ZNF407: variants seen among roughly 807,000 people sequenced by gnomAD.
The protein encoded by ZNF407 is zinc finger protein 407.
Under a neutral mutation model 131.2 loss-of-function variants are expected in ZNF407, and 17 were observed. The ratio of observed to expected loss-of-function variants is 0.13; its 90% CI spans 0.09 to 0.19. The LOEUF (loss-of-function observed/expected upper bound fraction) is 0.19. Among genes scored for constraint, ZNF407 ranks in the 10% least tolerant of loss-of-function variants. The pLI is 1.00. For missense variants in ZNF407, 2,681 were observed against 2,830.6 expected (o/e 0.95, Z 1.20); for synonymous variants, 1,156 against 1,062.0 (o/e 1.09, Z -1.72).
intron 7 of ZNF407, among the ~76,000 whole-genome samples, chr18:74,911,586 G>C (rs545253190): frequency 1.3e-5 from 2 of 152,018 alleles, no homozygotes. Flanking sequence ...ACATAAGGGG[G>C]TTTGAGTGCA....
rs944161598 is a variant in ZNF407 at position 74,995,433 on chromosome 18, T to C, written c.5429-67717T>C. The stretch of plus-strand genomic sequence containing the variant: ...GGTTGCAGTGTGGGTGGACCAGTTG[T>C]GAAGTGGGCAGGTTCTAAAAAAAGC... On this transcript the variant is annotated intron_variant, in intron 8 of 8. Transcript: ENST00000299687. Among the ~76,000 whole-genome samples, 77 of 152,108 alleles carry C rather than the reference T, an allele frequency of 5.1e-4. 3 individuals are homozygous for C. Among genetic ancestry groups the C allele is most frequent in the Non-Finnish European group, 5.9e-5 (4 of 68,018 alleles).
chr18:74,658,806 A>C (rs1446734447), intron 3 of ZNF407, among the ~76,000 whole-genome samples: 3 of 152,176 alleles, frequency 2.0e-5, no homozygotes, highest in Non-Finnish European at 4.4e-5. Context: ...CATAAAACCA[A>C]GTAGACATTT....
intron 8 of ZNF407, among the ~76,000 whole-genome samples, chr18:75,006,485 T>A (rs983743569): frequency 6.6e-6 from 1 of 152,238 alleles, no homozygotes. Flanking sequence ...TAATCCTTTA[T>A]CTAAATACAT....
At chr18:74,877,158 CG>C in intron 4 of ZNF407, 38 bp from the exon 5 acceptor site, 3 of 1,593,802 alleles carry the variant, frequency 1.9e-6, no homozygotes, top group Non-Finnish European at 2.6e-6. Context: ...TGCTGGTGTG[CG>C]GGCCATATTT....
intron 3 of ZNF407, among the ~76,000 whole-genome samples, chr18:74,752,714 G>C (rs936425845): frequency 2.0e-5 from 3 of 152,130 alleles, no homozygotes; most frequent in African/African-American, 7.2e-5. Flanking sequence ...TGAGGGCTCT[G>C]TTCTGTTCCA....
intron 8 of ZNF407, among the ~76,000 whole-genome samples, chr18:75,001,880 G>A (rs1460207878): frequency 1.3e-5 from 2 of 152,202 alleles, no homozygotes; most frequent in Non-Finnish European, 2.9e-5. Context: ...GACATTTTGG[G>A]TTGTCCCACC....
chr18:74,981,291 T>C (rs1599276888), intron 8 of ZNF407, among the ~76,000 whole-genome samples: 1 of 152,302 alleles, frequency 6.6e-6, no homozygotes, highest in African/African-American at 2.4e-5. Context: ...GTGTCCGCAG[T>C]GCCCTGGGCA....
intron 8 of ZNF407, among the ~76,000 whole-genome samples, chr18:75,021,885 A>G (rs535489519): frequency 1.5e-4 from 23 of 152,150 alleles, no homozygotes; most frequent in Non-Finnish European, 3.1e-4. Context: ...AGAAGTTCCC[A>G]GAATAAAAAG....
At chr18:74,789,063 C>T (rs964576462) in intron 4 of ZNF407, among the ~76,000 whole-genome samples, 2 of 152,058 alleles carry the variant, frequency 1.3e-5, no homozygotes, top group African/African-American at 2.4e-5. Flanking sequence ...GATGACACAG[C>T]CTCTGTTCTC....
chr18:74,976,274 A>C lies in ZNF407; in HGVS notation c.5428+55582A>C, dbSNP rs1347083735. 3.3e-5 allele frequency among the ~76,000 whole-genome samples: 5 copies of C among 152,344 alleles called. No individual in the cohort carries two copies. The East Asian group carries it at 5.8e-4, about 18-fold the overall frequency. ...AGTAGAGTAGTTTACGTGTTCTGTC[A>C]CATTAAAAGCTTTTTTTAAAGGGAT... On this transcript the variant is annotated intron_variant, in intron 8 of 8. Transcript: ENST00000299687.
intron 8 of ZNF407, among the ~76,000 whole-genome samples, chr18:74,922,188 ATC>A (rs1442113363): frequency 2.6e-5 from 4 of 152,244 alleles, no homozygotes; most frequent in Non-Finnish European, 5.9e-5. Flanking sequence ...GAGTTGAAAT[ATC>A]TCTGGCCATA....
At chr18:74,694,593 G>A (rs964158288) in intron 3 of ZNF407, among the ~76,000 whole-genome samples, 2 of 152,058 alleles carry the variant, frequency 1.3e-5, no homozygotes, top group Non-Finnish European at 2.9e-5. Context: ...AGTTCCAACT[G>A]ATTCATTTTT....
At chr18:74,663,031 G>A (rs1985780240) in intron 3 of ZNF407, among the ~76,000 whole-genome samples, 1 of 152,198 alleles carries the variant, frequency 6.6e-6, no homozygotes, top group Non-Finnish European at 1.5e-5. Flanking sequence ...TAGATATTGA[G>A]ATACACAAGG....
chr18:74,657,724 G>T (rs952596571), intron 3 of ZNF407, among the ~76,000 whole-genome samples: 1 of 152,130 alleles, frequency 6.6e-6, no homozygotes, highest in African/African-American at 2.4e-5. Context: ...TGCAGCAGCA[G>T]TGTTTACGCT....
chr18:74,881,541 C>T (rs1316673712), intron 6 of ZNF407, among the ~76,000 whole-genome samples: 3 of 152,044 alleles, frequency 2.0e-5, no homozygotes, highest in African/African-American at 7.2e-5. Flanking sequence ...ATTTAGCTAG[C>T]GACATGTCTA....
chr18:74,739,105 A>T (rs952270939), intron 3 of ZNF407, among the ~76,000 whole-genome samples: 4 of 151,906 alleles, frequency 2.6e-5, no homozygotes, highest in African/African-American at 4.8e-5. Context: ...TTAATATTTC[A>T]TACGGCCACA....
intron 4 of ZNF407, among the ~76,000 whole-genome samples, chr18:74,869,799 T>C (rs778103917): frequency 6.6e-6 from 1 of 152,108 alleles, no homozygotes; most frequent in South Asian, 2.1e-4. Context: ...AACAGCAGAG[T>C]TAAGTAGTTG....
rs371125902 is a variant in ZNF407, at chr18:74,633,785, C to A, written c.2766C>A (p.Gly922=). 2.1e-5 allele frequency: 34 copies of A among 1,613,680 alleles called. No individual in the cohort carries two copies. Residue 922 remains glycine (G), a synonymous_variant, in exon 2 of 9, where the codon GGC becomes GGA. Coordinates refer to ENST00000299687, the MANE Select transcript of ZNF407 (RefSeq NM_017757.3). ...AACACAGTTCAGATATCATTGTTGGCCCTGAAGGGGGTAGCCTTGAAGCTG... is the reference window on the plus strand; with the variant it reads ...AACACAGTTCAGATATCATTGTTGGACCTGAAGGGGGTAGCCTTGAAGCTG... ...SGKHSSDIIV[G]PEGGSLEAGK... is the part of the protein sequence containing the mutation.
At chr18:74,887,626 T>G (rs1971328171) in intron 6 of ZNF407, among the ~76,000 whole-genome samples, 1 of 152,134 alleles carries the variant, frequency 6.6e-6, no homozygotes. Context: ...GTGTGCTTCT[T>G]TCATCTTTGG....
Sources: gnomAD v4.1 joint callset for allele counts (sites outside exome capture counted in the v4.1 genomes callset) on GRCh38, gnomAD v4.1.1 for gene constraint, MANE v1.5 for transcripts, NCBI Gene and HGNC (gene_info 2026-07-23, HGNC 2026-07-21) for gene names.